KCNK1: variants seen among roughly 807,000 people sequenced by gnomAD.
The protein encoded by KCNK1 is potassium two pore domain channel subfamily K member 1.
A neutral mutation model predicts 22.2 loss-of-function variants in KCNK1; 10 were observed. The observed-to-expected ratio is 0.45, with a 90% confidence interval of 0.28 to 0.76. KCNK1 has a LOEUF of 0.76. Ranked by LOEUF, KCNK1 falls within the 30% of genes least tolerant of loss-of-function variation. The pLI is 0.14. For synonymous variants in KCNK1, 200 were observed against 186.4 expected (o/e 1.07, Z -0.60); for missense variants, 378 against 421.0 (o/e 0.90, Z 0.89).
rs1657439404 is a variant in KCNK1 at position 233,614,247 on chromosome 1, C to G, written c.76C>G (p.Leu26Val). Residue 26 changes from leucine to valine, a missense_variant, in exon 1 of 3, where the codon CTG (leucine) becomes GTG (valine). By Grantham distance (32) the Leu-to-Val change is conservative. Coordinates refer to ENST00000366621, the MANE Select transcript of KCNK1 (RefSeq NM_002245.4). ...CCGCTCGGCCTGGTGCTTCGGCTTC[C>G]TGGTGCTGGGCTACTTGCTCTACCT... ...RHRSAWCFGF[L>V]VLGYLLYLVF... 6.2e-7 allele frequency: 1 copy of G among 1,613,094 alleles called. No individual in the cohort carries two copies. The highest frequency in any genetic ancestry group is 1.3e-5 in the African/African-American group (1 of 75,048).
chr1:233,668,363 A>G (rs1243894953), intron 2 of KCNK1, among the ~76,000 whole-genome samples: 1 of 152,242 alleles, frequency 6.6e-6, no homozygotes, highest in African/African-American at 2.4e-5. Context: ...GGGCTCAGCC[A>G]AAACAGACGT....
At chr1:233,614,571 C>G (rs374750782) in intron 1 of KCNK1, 45 bp downstream of exon 1, 1 of 1,441,144 alleles carries the variant, frequency 6.9e-7, no homozygotes, top group Non-Finnish European at 9.4e-7. Context: ...CCACCTCGCC[C>G]ACAACCCACA....
At chr1:233,619,825 G>T (rs1657547385) in intron 1 of KCNK1, among the ~76,000 whole-genome samples, 1 of 151,436 alleles carries the variant, frequency 6.6e-6, no homozygotes, top group Non-Finnish European at 1.5e-5. Context: ...CAGGAGAATT[G>T]CTTGAACCTG....
intron 1 of KCNK1, among the ~76,000 whole-genome samples, chr1:233,639,603 A>G (rs1222969597): frequency 6.6e-6 from 1 of 152,196 alleles, no homozygotes. Flanking sequence ...CATTCTTTCT[A>G]TATTTGTGTC....
intron 1 of KCNK1, among the ~76,000 whole-genome samples, chr1:233,663,976 T>C (rs901675000): frequency 2.6e-5 from 4 of 151,938 alleles, no homozygotes; most frequent in African/African-American, 7.3e-5. Flanking sequence ...GGATTACAGG[T>C]GCCCGCTACC....
intron 1 of KCNK1, among the ~76,000 whole-genome samples, chr1:233,639,197 T>C (rs1657962999): frequency 6.6e-6 from 1 of 152,240 alleles, no homozygotes; most frequent in South Asian, 2.1e-4. Flanking sequence ...CTTGTTCTCC[T>C]TTTTCTTTCT....
chr1:233,628,798 A>T (rs916929600), intron 1 of KCNK1, among the ~76,000 whole-genome samples: 6 of 151,994 alleles, frequency 3.9e-5, no homozygotes, highest in African/African-American at 1.5e-4. Context: ...TAAAAGCCCA[A>T]CCTAATGTAG....
chr1:233,650,925 C>T (rs1658191397), intron 1 of KCNK1, among the ~76,000 whole-genome samples: 1 of 152,140 alleles, frequency 6.6e-6, no homozygotes, highest in Non-Finnish European at 1.5e-5. Flanking sequence ...TAGCAGGTGG[C>T]TGCTCTGAGT....
In KCNK1 at chr1:233,671,451, T is replaced by A; in HGVS notation, c.932T>A (p.Met311Lys). The A allele has an allele frequency of 6.2e-7, 1 of 1,614,126 alleles. No individual in the cohort carries two copies. Among genetic ancestry groups the A allele is most frequent in the Non-Finnish European group, 8.5e-7 (1 of 1,180,014 alleles). The change falls in exon 3 of 3, where the codon ATG becomes AAG. Residue 311 changes from methionine (M) to lysine (K), a missense_variant. Physicochemically the swap from Met to Lys is moderately conservative, Grantham distance 95. Transcript: ENST00000366621. ...FSSITDQAAG[M>K]KEDQKQNEPF... ...TCGATCACAGACCAGGCAGCTGGCATGAAAGAGGACCAGAAGCAAAATGAG... is the reference window on the plus strand; with the variant it reads ...TCGATCACAGACCAGGCAGCTGGCAAGAAAGAGGACCAGAAGCAAAATGAG...
rs181364175 is a variant in KCNK1, at chr1:233,620,353, A to G, written c.355+5827A>G. 9.8e-4 allele frequency among the ~76,000 whole-genome samples: 150 copies of G among 152,344 alleles called. 1 individual carries two copies. Among genetic ancestry groups the G allele is most frequent in the African/African-American group, 3.2e-3 (134 of 41,584 alleles). Reference sequence around the variant, plus strand: ...TCTGAATATTTCACTTTCTTCTGGGAAACTTTGTGTAAGAAAGTTCAGCTT... The same window carrying G: ...TCTGAATATTTCACTTTCTTCTGGGGAACTTTGTGTAAGAAAGTTCAGCTT... On this transcript the variant is annotated intron_variant, in intron 1 of 2. Transcript: ENST00000366621.
At chr1:233,617,619 A>G (rs1011335789) in intron 1 of KCNK1, among the ~76,000 whole-genome samples, 1 of 152,224 alleles carries the variant, frequency 6.6e-6, no homozygotes. Context: ...ACAAAAGGAT[A>G]TGATCTGACT....
chr1:233,619,124 C>T (rs916286698), intron 1 of KCNK1, among the ~76,000 whole-genome samples: 1 of 152,074 alleles, frequency 6.6e-6, no homozygotes, highest in Non-Finnish European at 1.5e-5. Context: ...CTTAGTTGAT[C>T]CTCCCACTTC....
chr1:233,666,771 G>A lies in KCNK1; in HGVS notation c.532G>A (p.Val178Met), dbSNP rs1422228431. Reference sequence around the variant, plus strand: ...CATCCGCTGGGGCTTCTCCAAGCAGGTGGTGGCCATCGTCCATGCCGTGCT... The same window carrying A: ...CATCCGCTGGGGCTTCTCCAAGCAGATGGTGGCCATCGTCCATGCCGTGCT... ...FHIRWGFSKQ[V>M]VAIVHAVLLG... The change falls in exon 2 of 3, where the codon GTG becomes ATG. Residue 178 changes from valine (V) to methionine (M), a missense_variant. By Grantham distance (21) the Val-to-Met change is conservative. Transcript: ENST00000366621. 3.1e-6 allele frequency: 5 copies of A among 1,614,084 alleles called. No individual in the cohort carries two copies. Among genetic ancestry groups the A allele is most frequent in the Non-Finnish European group, 3.4e-6 (4 of 1,180,054 alleles).
At chr1:233,661,881 A>T (rs2102908066) in intron 1 of KCNK1, 1 of 152,376 alleles carries the variant, frequency 6.6e-6, no homozygotes, top group Middle Eastern at 3.4e-3. Context: ...AAATCACAGA[A>T]AAAGTCAACC....
In KCNK1 at chr1:233,614,314, A is replaced by G. The variant is rs778403770; in HGVS notation, c.143A>G (p.Tyr48Cys). The change falls in exon 1 of 3, where the codon TAT (tyrosine) becomes TGT (cysteine). Residue 48 changes from tyrosine (Y) to cysteine (C), a missense_variant. Coordinates refer to ENST00000366621, the MANE Select transcript of KCNK1 (RefSeq NM_002245.4). The stretch of plus-strand genomic sequence containing the variant: ...GTCTTCTCCTCGGTGGAGCTGCCCT[A>G]TGAGGACCTGCTGCGCCAGGAGCTG... ...AVVFSSVELP[Y>C]EDLLRQELRK... 1.3e-5 allele frequency: 21 copies of G among 1,612,426 alleles called. No individual in the cohort carries two copies. Among genetic ancestry groups the G allele is most frequent in the African/African-American group, 2.7e-5 (2 of 74,956 alleles).
At chr1:233,639,657 T>C (rs1383271330) in intron 1 of KCNK1, among the ~76,000 whole-genome samples, 1 of 152,118 alleles carries the variant, frequency 6.6e-6, no homozygotes, top group Non-Finnish European at 1.5e-5. Context: ...AGGGAGAGAG[T>C]TGATGCTTCT....
chr1:233,620,068 A>T (rs58806781), intron 1 of KCNK1, among the ~76,000 whole-genome samples: 3,816 of 152,292 alleles, frequency 0.025, 92 homozygotes, highest in East Asian at 0.098. Context: ...ACAAAAAAAA[A>T]GAAAAAGAAA....
intron 1 of KCNK1, among the ~76,000 whole-genome samples, chr1:233,649,330 GAGTGCTGGA>G (rs1207775076): frequency 6.6e-6 from 1 of 152,186 alleles, no homozygotes; most frequent in South Asian, 2.1e-4. Context: ...TAAGCATGAG[GAGTGCTGGA>G]AGTGATTTTT....
intron 1 of KCNK1, among the ~76,000 whole-genome samples, chr1:233,618,387 T>G (rs1356546042): frequency 1.3e-5 from 2 of 151,550 alleles, no homozygotes; most frequent in Admixed American, 1.3e-4. Context: ...ATACTGTGTT[T>G]TTTTTTTTTC....
Sources: gnomAD v4.1 joint callset for allele counts (sites outside exome capture counted in the v4.1 genomes callset) on GRCh38, gnomAD v4.1.1 for gene constraint, MANE v1.5 for transcripts, NCBI Gene and HGNC (gene_info 2026-07-23, HGNC 2026-07-21) for gene names.